The following DOK6 variants were observed in gnomAD, a reference collection of about 807,000 sequenced individuals.
The protein encoded by DOK6 is docking protein 6.
Under a neutral mutation model 44.0 loss-of-function variants are expected in DOK6, and 22 were observed. The observed-to-expected ratio is 0.50, with a 90% CI of 0.36 to 0.71. DOK6 has a LOEUF of 0.71. Among genes scored for constraint, DOK6 ranks in the 30% least tolerant of loss-of-function variants. The probability of loss-of-function intolerance (pLI) is 0.00; values close to 1 mark genes in which losing one functional copy is unlikely to be tolerated. For synonymous variants in DOK6, 166 were observed against 145.5 expected (o/e 1.14, Z -1.01); for missense variants, 340 against 416.4 (o/e 0.82, Z 1.60).
chr18:69,429,242 G>T (rs977404310), intron 1 of DOK6, among the ~76,000 whole-genome samples: 2 of 152,032 alleles, frequency 1.3e-5, no homozygotes, highest in Non-Finnish European at 2.9e-5. Flanking sequence ...AATTATAAGA[G>T]AATTTTAGTA....
intron 1 of DOK6, among the ~76,000 whole-genome samples, chr18:69,414,814 T>C (rs1177390815): frequency 6.6e-6 from 1 of 152,008 alleles, no homozygotes; most frequent in Non-Finnish European, 1.5e-5. Context: ...AATTAAAAGC[T>C]AATTAGAAAA....
intron 1 of DOK6, among the ~76,000 whole-genome samples, chr18:69,549,726 C>T (rs1982509828): frequency 6.6e-6 from 1 of 151,306 alleles, no homozygotes; most frequent in South Asian, 2.1e-4. Context: ...AAATTGATGC[C>T]TATGCAAGAT....
At chr18:69,403,357 G>A (rs941095274) in intron 1 of DOK6, among the ~76,000 whole-genome samples, 1 of 152,078 alleles carries the variant, frequency 6.6e-6, no homozygotes, top group Non-Finnish European at 1.5e-5. Context: ...TTGCTTCTTG[G>A]GTAACTATGG....
At chr18:69,498,658 G>A (rs1382634991) in intron 1 of DOK6, among the ~76,000 whole-genome samples, 1 of 152,098 alleles carries the variant, frequency 6.6e-6, no homozygotes, top group African/African-American at 2.4e-5. Flanking sequence ...CCTATATTGG[G>A]GGGTAAATTA....
chr18:69,654,226 T>C (rs146112056), intron 3 of DOK6, among the ~76,000 whole-genome samples: 1 of 152,300 alleles, frequency 6.6e-6, no homozygotes, highest in East Asian at 1.9e-4. Context: ...AAGTCTAACA[T>C]ACTTGTAATT....
chr18:69,584,727 A>G (rs1379320976), intron 2 of DOK6, among the ~76,000 whole-genome samples: 1 of 152,110 alleles, frequency 6.6e-6, no homozygotes, highest in African/African-American at 2.4e-5. Flanking sequence ...TTATGAAACC[A>G]TCTGGAAATG....
chr18:69,627,792 CT>C (rs1225385468), intron 3 of DOK6, among the ~76,000 whole-genome samples: 12 of 152,208 alleles, frequency 7.9e-5, no homozygotes, highest in African/African-American at 2.2e-4. Context: ...CACTAATGTC[CT>C]GGATGTCAAA....
At chr18:69,595,127 A>G (rs1288815605) in intron 2 of DOK6, among the ~76,000 whole-genome samples, 2 of 152,222 alleles carry the variant, frequency 1.3e-5, no homozygotes, top group Admixed American at 6.5e-5. Flanking sequence ...AAGACATGCC[A>G]TGTTAATGGA....
At chr18:69,707,260 C>G (rs1244352485) in intron 5 of DOK6, among the ~76,000 whole-genome samples, 1 of 152,142 alleles carries the variant, frequency 6.6e-6, no homozygotes, top group East Asian at 1.9e-4. Context: ...GCCACACTGC[C>G]CAAGGTAATT....
intron 6 of DOK6, among the ~76,000 whole-genome samples, chr18:69,743,676 A>AT (rs908263509): frequency 3.1e-4 from 47 of 149,470 alleles, no homozygotes; most frequent in African/African-American, 1.2e-3. Context: ...AAAAAAAAAG[A>AT]TTTTTTTTTT....
At chr18:69,680,300 G>T (rs1183363809) in intron 4 of DOK6, among the ~76,000 whole-genome samples, 1 of 152,140 alleles carries the variant, frequency 6.6e-6, no homozygotes, top group Non-Finnish European at 1.5e-5. Flanking sequence ...ATTCCTGGAT[G>T]GGGAGGATTT....
intron 1 of DOK6, among the ~76,000 whole-genome samples, chr18:69,556,861 G>A (rs566576580): frequency 5.3e-5 from 8 of 152,302 alleles, no homozygotes; most frequent in Admixed American, 2.6e-4. Context: ...TGAATCCTGT[G>A]CACTGACTAC....
At chr18:69,468,783 T>G (rs1376317878) in intron 1 of DOK6, among the ~76,000 whole-genome samples, 1 of 152,162 alleles carries the variant, frequency 6.6e-6, no homozygotes, top group African/African-American at 2.4e-5. Context: ...TTTGAAAAAT[T>G]TATTGCGGCT....
At position 69,704,703 on chromosome 18, in the gene DOK6, T is replaced by C. The variant is rs1986596365; in HGVS notation, c.599+6110T>C. Among the ~76,000 whole-genome samples, 4 of 152,238 alleles carry C rather than the reference T, an allele frequency of 2.6e-5. No homozygotes were observed. The South Asian group carries it at 8.3e-4, about 32-fold the overall frequency. On this transcript the variant is annotated intron_variant, in intron 5 of 7. Coordinates refer to ENST00000382713, the MANE Select transcript of DOK6 (RefSeq NM_152721.6). ...ACCGTGTTAGCCAAGATGGTCTCCA[T>C]CTCCTGACTTCGTGATCCACTTGCC...
chr18:69,490,202 T>C (rs1980697625), intron 1 of DOK6, among the ~76,000 whole-genome samples: 1 of 152,224 alleles, frequency 6.6e-6, no homozygotes, highest in Non-Finnish European at 1.5e-5. Context: ...GCATTGATTC[T>C]GACTTCTTCT....
chr18:69,708,398 C>T (rs1001360976), intron 5 of DOK6, among the ~76,000 whole-genome samples: 4 of 152,168 alleles, frequency 2.6e-5, no homozygotes, highest in African/African-American at 7.2e-5. Flanking sequence ...ATTCTGTTAA[C>T]CTTTCCAAGG....
intron 4 of DOK6, 75 bp from the exon 5 acceptor site, chr18:69,698,325 TAAAC>T: frequency 1.5e-6 from 2 of 1,323,446 alleles, no homozygotes; most frequent in Non-Finnish European, 2.1e-6. Context: ...AGTCTGTAGA[TAAAC>T]AAATTAATAT....
chr18:69,433,926 G>A (rs956984031), intron 1 of DOK6, among the ~76,000 whole-genome samples: 13 of 151,996 alleles, frequency 8.6e-5, no homozygotes, highest in South Asian at 6.2e-4. Flanking sequence ...TTTTCCCAAC[G>A]CATGGCTAAT....
intron 2 of DOK6, among the ~76,000 whole-genome samples, chr18:69,572,558 T>C (rs577254808): frequency 5.3e-5 from 8 of 152,170 alleles, no homozygotes; most frequent in Admixed American, 2.6e-4. Flanking sequence ...TAGTACCTTA[T>C]TCTATAGTTC....
Sources: allele counts gnomAD v4.1 joint callset (sites outside exome capture counted in the v4.1 genomes callset), GRCh38; gene constraint gnomAD v4.1.1; transcripts MANE v1.5; gene names NCBI Gene and HGNC (gene_info 2026-07-23, HGNC 2026-07-21).